The following ATP8B4 variants were observed in gnomAD, a reference collection of about 807,000 sequenced individuals.
ATP8B4 encodes probable phospholipid-transporting ATPase IM.
ATP8B4 carries 133 observed loss-of-function variants against 145.6 expected under a neutral mutation model. The ratio of observed to expected loss-of-function variants is 0.91; its 90% CI spans 0.79 to 1.05. The LOEUF (loss-of-function observed/expected upper bound fraction) is 1.05, where lower values mean the gene tolerates loss of function less well. ATP8B4 is among the 50% of genes least tolerant of loss of function. ATP8B4 has a pLI of 0.00. For missense variants in ATP8B4, 1,458 were observed against 1,425.2 expected (o/e 1.02, Z -0.37); for synonymous variants, 507 against 492.9 (o/e 1.03, Z -0.38).
rs746491048 is a variant in ATP8B4, at chr15:49,923,520, C to G, written c.1643-26G>C. ...CTGAAAAGAAAAAAGTTTGGAAAAGCAGAATATAATCAACGTCATACATCA... is the reference window on the plus strand; with the variant it reads ...CTGAAAAGAAAAAAGTTTGGAAAAGGAGAATATAATCAACGTCATACATCA... On this transcript the variant is annotated intron_variant, in intron 16 of 27. Transcript: ENST00000284509. The G allele has an allele frequency of 2.0e-6, 3 of 1,493,018 alleles. No homozygotes were observed. In the Admixed American group the frequency reaches 5.8e-5, roughly 29 times the overall value. The allele number at this position is 1,493,018 out of a possible 1,614,324, so 92.5% of individuals were successfully genotyped here.
At chr15:49,942,656 C>T (rs897411337) in intron 14 of ATP8B4, among the ~76,000 whole-genome samples, 1 of 151,768 alleles carries the variant, frequency 6.6e-6, no homozygotes, top group Non-Finnish European at 1.5e-5. Flanking sequence ...AACCCGGTCT[C>T]TACTAAAAAA....
intron 1 of ATP8B4, among the ~76,000 whole-genome samples, chr15:50,181,577 G>A (rs1407644291): frequency 6.6e-6 from 1 of 152,230 alleles, no homozygotes; most frequent in Non-Finnish European, 1.5e-5. Flanking sequence ...CACGAAATCA[G>A]GACTCCCCCG....
Position 49,858,883 on chromosome 15 carries a change from T to C in ATP8B4, c.*1311A>G, listed in dbSNP as rs1383171937. On this transcript the variant is annotated 3_prime_UTR_variant, in exon 28 of 28. Transcript: ENST00000284509. ...GAACTTAACTCATCTGTTTATGAAA[T>C]AATTATGTTTTTAATAATTTCAGAG... The C allele has an allele frequency of 6.6e-6, 1 of 152,222 alleles. No homozygotes were observed. Among genetic ancestry groups the C allele is most frequent in the Non-Finnish European group, 1.5e-5 (1 of 68,034 alleles). The allele number at this position is 152,222 out of a possible 1,614,324, so 9.4% of individuals were successfully genotyped here. A position where few individuals can be genotyped will look rare whatever the true frequency, so the allele number is the denominator to read the frequency against.
intron 23 of ATP8B4, among the ~76,000 whole-genome samples, chr15:49,888,126 G>T (rs1343757275): frequency 6.6e-6 from 1 of 152,182 alleles, no homozygotes; most frequent in Non-Finnish European, 1.5e-5. Flanking sequence ...ATCTGTTATT[G>T]ATTTGTGTAA....
At chr15:50,026,436 G>A (rs1281948320) in intron 6 of ATP8B4, among the ~76,000 whole-genome samples, 1 of 152,158 alleles carries the variant, frequency 6.6e-6, no homozygotes, top group African/African-American at 2.4e-5. Context: ...CTGCACCTGG[G>A]TGATTCAGAT....
intron 2 of ATP8B4, among the ~76,000 whole-genome samples, chr15:50,086,235 AAAAT>A (rs1363438435): frequency 1.1e-4 from 12 of 104,488 alleles, no homozygotes; most frequent in African/African-American, 5.0e-4. Flanking sequence ...TATATATAAT[AAAAT>A]AATATAGAGA....
At chr15:49,982,989 G>A (rs2046289129) in intron 10 of ATP8B4, among the ~76,000 whole-genome samples, 2 of 151,892 alleles carry the variant, frequency 1.3e-5, no homozygotes, top group Non-Finnish European at 2.9e-5. Context: ...CTACCTCTTT[G>A]GTAGCTCCCT....
intron 13 of ATP8B4, among the ~76,000 whole-genome samples, chr15:49,968,002 G>T (rs973118370): frequency 1.3e-5 from 2 of 152,188 alleles, no homozygotes; most frequent in Non-Finnish European, 2.9e-5. Context: ...TTTCAACCCA[G>T]AATTTCATAT....
chr15:50,165,538 T>TGC (rs2044584222), intron 1 of ATP8B4, among the ~76,000 whole-genome samples: 1 of 151,684 alleles, frequency 6.6e-6, no homozygotes, highest in Admixed American at 6.6e-5. Flanking sequence ...CTCCTCCCCC[T>TGC]AAATAAAAAA....
chr15:50,120,499 A>G (rs1460426045), upstream of ATP8B4, among the ~76,000 whole-genome samples: 1 of 152,218 alleles, frequency 6.6e-6, no homozygotes, highest in African/African-American at 2.4e-5. Context: ...AAGAAGATAT[A>G]AGGAAATCAG....
chr15:49,953,199 G>A (rs2043251313), intron 14 of ATP8B4, among the ~76,000 whole-genome samples: 1 of 151,986 alleles, frequency 6.6e-6, no homozygotes, highest in African/African-American at 2.4e-5. Flanking sequence ...GGTGGCATGG[G>A]GAGCAGGACC....
Position 49,879,456 on chromosome 15 carries a change from C to G in ATP8B4, c.2701G>C (p.Val901Leu). The change falls in exon 24 of 28, where the codon GTT becomes CTT. Residue 901 changes from valine (V) to leucine (L), a missense_variant. By Grantham distance (32) the Val-to-Leu change is conservative (BLOSUM62 1). Transcript: ENST00000284509. Reference sequence around the variant, plus strand: ...AGGGTGATGAACCACTGGTCATAAACAGTCTGAAAAGAAATATAACATATA... The same window carrying G: ...AGGGTGATGAACCACTGGTCATAAAGAGTCTGAAAAGAAATATAACATATA... ...GFFCGFSAQTVYDQWFITLFN... is the reference protein window; with the variant it reads ...GFFCGFSAQTLYDQWFITLFN... The G allele has an allele frequency of 6.2e-7, 1 of 1,602,638 alleles. No homozygotes were observed. Among genetic ancestry groups the G allele is most frequent in the Non-Finnish European group, 8.5e-7 (1 of 1,171,472 alleles).
chr15:50,169,011 A>C (rs2044632676), intron 1 of ATP8B4, among the ~76,000 whole-genome samples: 1 of 152,168 alleles, frequency 6.6e-6, no homozygotes, highest in African/African-American at 2.4e-5. Context: ...CATCCTCAAC[A>C]GCAGCCACAG....
At chr15:49,938,188 A>T (rs1174272501) in intron 14 of ATP8B4, among the ~76,000 whole-genome samples, 1 of 152,170 alleles carries the variant, frequency 6.6e-6, no homozygotes, top group African/African-American at 2.4e-5. Context: ...TGTGGCAATT[A>T]AGTACATAGT....
intron 26 of ATP8B4, among the ~76,000 whole-genome samples, chr15:49,862,679 C>T (rs542247592): frequency 3.7e-4 from 56 of 152,132 alleles, no homozygotes; most frequent in African/African-American, 1.2e-3. Flanking sequence ...AGGATGGTCT[C>T]GATCTGACCT....
At chr15:49,871,344 G>A (rs144613622) in intron 25 of ATP8B4, among the ~76,000 whole-genome samples, 239 of 152,296 alleles carry the variant, frequency 1.6e-3, no homozygotes, top group African/African-American at 5.5e-3. Flanking sequence ...CAGTCTCACT[G>A]TAGACTTTGT....
intron 6 of ATP8B4, among the ~76,000 whole-genome samples, chr15:50,037,324 T>C (rs76114188): frequency 0.042 from 6,358 of 152,252 alleles, 158 homozygotes; most frequent in South Asian, 0.096. Flanking sequence ...CTTTCAGACT[T>C]GAGAAAGTCA....
chr15:50,176,374 AG>A (rs1326513346), intron 1 of ATP8B4, among the ~76,000 whole-genome samples: 2 of 152,106 alleles, frequency 1.3e-5, no homozygotes, highest in African/African-American at 4.8e-5. Flanking sequence ...TGGGAAGAGT[AG>A]AAGGAGGGCA....
intron 1 of ATP8B4, among the ~76,000 whole-genome samples, chr15:50,112,691 G>C (rs1337529768): frequency 6.6e-6 from 1 of 151,986 alleles, no homozygotes; most frequent in African/African-American, 2.4e-5. Flanking sequence ...CTGTAAAGTG[G>C]AGATGGGAAT....
Sources: allele counts gnomAD v4.1 joint callset (sites outside exome capture counted in the v4.1 genomes callset), GRCh38; gene constraint gnomAD v4.1.1; transcripts MANE v1.5; gene names NCBI Gene and HGNC (gene_info 2026-07-23, HGNC 2026-07-21).